Variants in SMG6 observed in about 807,000 individuals in gnomAD.
SMG6 encodes the protein telomerase-binding protein EST1A.
SMG6 carries 66 observed loss-of-function variants against 142.2 expected under a neutral mutation model. The observed-to-expected ratio is 0.46, with a 90% CI of 0.38 to 0.57. SMG6 has a LOEUF of 0.57. SMG6 is among the 20% of genes least tolerant of loss of function. SMG6 has a pLI of 0.00. For missense variants in SMG6, 1,793 were observed against 1,832.0 expected, an observed-to-expected ratio of 0.98 and a Z score of 0.39; for synonymous variants, 779 against 702.4, an observed-to-expected ratio of 1.11 and a Z score of -1.72.
At chr17:2,207,979 A>G (rs917650922) in intron 10 of SMG6, among the ~76,000 whole-genome samples, 1 of 151,980 alleles carries the variant, frequency 6.6e-6, no homozygotes, top group African/African-American at 2.4e-5. Flanking sequence ...AGGGCCCCAC[A>G]CTTGCCGGGT....
Position 2,303,696 on chromosome 17 carries a change from G to A in SMG6, c.25C>T (p.Arg9Trp), listed in dbSNP as rs917466122. ...CCGCGCAGCTCCGACGCGGAGATCC[G>A]CACACGCTCCAGCCCTTCCGCCATC... MAEGLERVRISASELRGIL... is the reference protein window; with the variant it reads MAEGLERVWISASELRGIL... Residue 9 changes from arginine (R) to tryptophan (W), a missense_variant, in exon 1 of 19, where the codon CGG becomes TGG. Coordinates refer to ENST00000263073, the MANE Select transcript of SMG6 (RefSeq NM_017575.5). 2.7e-6 allele frequency: 4 copies of A among 1,496,884 alleles called. No individual in the cohort carries two copies. Among genetic ancestry groups the A allele is most frequent in the East Asian group, 2.9e-5 (1 of 34,918 alleles). The allele number at this position is 1,496,884 out of a possible 1,614,324, so 92.7% of individuals were successfully genotyped here. A position where few individuals can be genotyped will look rare whatever the true frequency, so the allele number is the denominator to read the frequency against.
At chr17:2,064,258 T>C (rs1597317125) in intron 18 of SMG6, among the ~76,000 whole-genome samples, 1 of 152,120 alleles carries the variant, frequency 6.6e-6, no homozygotes, top group Non-Finnish European at 1.5e-5. Flanking sequence ...TGGCAGGTCC[T>C]AGGAATTCCT....
intron 12 of SMG6, among the ~76,000 whole-genome samples, chr17:2,179,890 G>C (rs942484240): frequency 6.6e-6 from 1 of 152,152 alleles, no homozygotes; most frequent in Non-Finnish European, 1.5e-5. Flanking sequence ...CCAAGACCAG[G>C]ACCTGGGTTC....
In SMG6 at chr17:2,298,041, T is replaced by A. The variant is rs2075182396; in HGVS notation, c.1862A>T (p.Gln621Leu). The stretch of plus-strand genomic sequence containing the variant: ...TAATAGAATACAGCGCTCATATAGC[T>A]GCAGCAGTTCAGCTCTGGAATAAAA... ...KMAQLRAELL[Q>L]LYERCILLDI... Residue 621 changes from glutamine to leucine, a missense_variant, in exon 3 of 19, where the codon CAG (glutamine) becomes CTG (leucine). By Grantham distance (113) the Gln-to-Leu change is moderately radical (BLOSUM62 -2). Transcript: ENST00000263073. 1 of 1,607,394 alleles carries A rather than the reference T, an allele frequency of 6.2e-7. No homozygotes were observed. The highest frequency in any genetic ancestry group is 1.1e-5 in the South Asian group (1 of 89,846).
chr17:2,181,017 A>T (rs1049356336), intron 12 of SMG6, among the ~76,000 whole-genome samples: 3 of 152,164 alleles, frequency 2.0e-5, no homozygotes, highest in African/African-American at 4.8e-5. Flanking sequence ...AGCAACAAGG[A>T]CTTTACAAGC....
intron 10 of SMG6, among the ~76,000 whole-genome samples, chr17:2,223,286 G>A (rs933456592): frequency 5.9e-5 from 9 of 152,238 alleles, no homozygotes; most frequent in Non-Finnish European, 8.8e-5. Flanking sequence ...TCCCTGCAGC[G>A]TGTCAACTGC....
At chr17:2,288,240 G>A (rs1055138277) in intron 6 of SMG6, among the ~76,000 whole-genome samples, 3 of 152,100 alleles carry the variant, frequency 2.0e-5, no homozygotes, top group African/African-American at 4.8e-5. Flanking sequence ...CTTGAACCCG[G>A]GAGGTGGAGG....
At chr17:2,282,172 T>C (rs1342935945) in intron 8 of SMG6, among the ~76,000 whole-genome samples, 1 of 152,136 alleles carries the variant, frequency 6.6e-6, no homozygotes, top group Non-Finnish European at 1.5e-5. Context: ...GCCTGTGATT[T>C]TTCTACTGTC....
intron 12 of SMG6, among the ~76,000 whole-genome samples, chr17:2,184,765 G>A (rs1401283859): frequency 6.7e-6 from 1 of 149,274 alleles, no homozygotes; most frequent in African/African-American, 2.5e-5. Context: ...AGGAGTTTGA[G>A]ACCAGCCTGG....
Position 2,127,094 on chromosome 17 carries a change from G to A in SMG6, c.3358-41193C>T, listed in dbSNP as rs1029913673. On this transcript the variant is annotated intron_variant, in intron 13 of 18. Coordinates refer to ENST00000263073, the MANE Select transcript of SMG6 (RefSeq NM_017575.5). Reference sequence around the variant, plus strand: ...TTCGAGGCTGCAGTGAGCCGTAATGGTGACACTGCACTCCAGCCTGGGCAA... The same window carrying A: ...TTCGAGGCTGCAGTGAGCCGTAATGATGACACTGCACTCCAGCCTGGGCAA... Among the ~76,000 whole-genome samples, 3 of 145,308 alleles carry A rather than the reference G, an allele frequency of 2.1e-5. 1 individual carries two copies. In the Admixed American group the frequency reaches 2.1e-4, roughly 10 times the overall value.
chr17:2,178,059 T>C (rs1048064941), intron 12 of SMG6, among the ~76,000 whole-genome samples: 1 of 152,152 alleles, frequency 6.6e-6, no homozygotes, highest in Admixed American at 6.6e-5. Flanking sequence ...CCAATAAGTG[T>C]GGCAGAGTTA....
chr17:2,222,229 T>C (rs1012384104), intron 10 of SMG6, among the ~76,000 whole-genome samples: 4 of 152,022 alleles, frequency 2.6e-5, no homozygotes, highest in African/African-American at 9.7e-5. Context: ...AATTATCTAG[T>C]ATTTAGAAAA....
At chr17:2,250,516 T>C (rs2074023463) in intron 8 of SMG6, among the ~76,000 whole-genome samples, 1 of 151,926 alleles carries the variant, frequency 6.6e-6, no homozygotes, top group African/African-American at 2.4e-5. Flanking sequence ...GCCTTCTAAG[T>C]AGCTGGGCCT....
chr17:2,096,273 G>A (rs191075678), intron 13 of SMG6, among the ~76,000 whole-genome samples: 125 of 152,114 alleles, frequency 8.2e-4, no homozygotes, highest in African/African-American at 2.2e-3. Context: ...GCGCGATCTC[G>A]GCTCACTGCA....
intron 8 of SMG6, among the ~76,000 whole-genome samples, chr17:2,276,200 C>A (rs1197944751): frequency 4.6e-5 from 7 of 152,144 alleles, no homozygotes; most frequent in Admixed American, 4.6e-4. Context: ...CTTTGCCTTT[C>A]CTTATGTGTG....
At chr17:2,198,012 G>GAAA (rs926865924) in intron 10 of SMG6, among the ~76,000 whole-genome samples, 1 of 151,980 alleles carries the variant, frequency 6.6e-6, no homozygotes, top group Admixed American at 6.6e-5. Flanking sequence ...CTTACGTTTA[G>GAAA]AAAAAAAACC....
intron 13 of SMG6, among the ~76,000 whole-genome samples, chr17:2,098,308 A>G (rs989357419): frequency 1.3e-5 from 2 of 152,032 alleles, no homozygotes; most frequent in African/African-American, 4.8e-5. Flanking sequence ...CTAATCAACA[A>G]ATCCCCAAAT....
chr17:2,178,594 T>C (rs1440821526), intron 12 of SMG6, among the ~76,000 whole-genome samples: 3 of 152,170 alleles, frequency 2.0e-5, no homozygotes, highest in Non-Finnish European at 2.9e-5. Flanking sequence ...TGGCCAGCAA[T>C]AGGTCACAGT....
chr17:2,066,708 T>C (rs1448386462), intron 16 of SMG6, among the ~76,000 whole-genome samples: 1 of 114,560 alleles, frequency 8.7e-6, no homozygotes, highest in Non-Finnish European at 2.0e-5. Context: ...GCCCATGCTT[T>C]CGGCACCCTG....
Sources: allele counts gnomAD v4.1 joint callset (sites outside exome capture counted in the v4.1 genomes callset), GRCh38; gene constraint gnomAD v4.1.1; transcripts MANE v1.5; gene names NCBI Gene and HGNC (gene_info 2026-07-23, HGNC 2026-07-21).